UNG: variants seen among roughly 807,000 people sequenced by gnomAD.
UNG encodes uracil-DNA glycosylase.
A neutral mutation model predicts 36.5 loss-of-function variants in UNG; 34 were observed. The ratio of observed to expected loss-of-function variants is 0.93; its 90% CI spans 0.71 to 1.24. The LOEUF is 1.24. Ranked by LOEUF, UNG falls within the 50% of genes most tolerant of loss-of-function variation. The pLI is 0.00. For missense variants in UNG, 391 were observed against 397.6 expected (o/e 0.98, Z 0.14); for synonymous variants, 172 against 157.8 (o/e 1.09, Z -0.67).
Position 109,103,467 on chromosome 12 carries a change from T to C in UNG, c.657T>C (p.Arg219=). 1 of 1,614,180 alleles carries C rather than the reference T, an allele frequency of 6.2e-7. No individual in the cohort carries two copies. Among genetic ancestry groups the C allele is most frequent in the Non-Finnish European group, 8.5e-7 (1 of 1,180,022 alleles). ...VLLLNAVLTV[R]AHQANSHKER... ...TTCTCAACGCTGTCCTCACGGTTCG[T>C]GCCCATCAAGCCAACTCTCATAAGG... Residue 219 remains arginine, a synonymous_variant, in exon 6 of 7, where the codon CGT becomes CGC. Coordinates refer to ENST00000242576, the MANE Select transcript of UNG (RefSeq NM_080911.3).
chr12:109,109,437 C>T (rs2042242537), intron 6 of UNG, among the ~76,000 whole-genome samples: 1 of 150,636 alleles, frequency 6.6e-6, no homozygotes. Context: ...AAAGGGGAAT[C>T]GCACAGGGTC....
chr12:109,107,250 G>T (rs2042224610), intron 6 of UNG, among the ~76,000 whole-genome samples: 2 of 152,074 alleles, frequency 1.3e-5, no homozygotes, highest in Non-Finnish European at 2.9e-5. Context: ...ACCCAGGCTG[G>T]AATGCACTGG....
intron 6 of UNG, among the ~76,000 whole-genome samples, chr12:109,108,787 C>T (rs1483601275): frequency 6.6e-6 from 1 of 152,162 alleles, no homozygotes; most frequent in Admixed American, 6.5e-5. Context: ...CATGCCATCA[C>T]ACTTGGCTAA....
chr12:109,104,062 G>GTTTTTTT (rs1555265048), intron 6 of UNG, among the ~76,000 whole-genome samples: 1 of 150,726 alleles, frequency 6.6e-6, no homozygotes, highest in Admixed American at 6.6e-5. Context: ...TGGGTTTTTT[G>GTTTTTTT]TTTTTTGATG....
At position 109,109,763 on chromosome 12, in the gene UNG, CAA is replaced by C. The variant is rs71079524; in HGVS notation, c.802-49_802-48del. ...ACGCCACTGCAGCAAGACTCTGTCT[CAA>C]AAAAAAAAAAAAAAAATTTAAAAAG... On this transcript the variant is annotated intron_variant, in intron 6 of 6. Coordinates refer to ENST00000242576, the MANE Select transcript of UNG (RefSeq NM_080911.3). The C allele has an allele frequency of 5.8e-3, 7,322 of 1,266,728 alleles. 3 individuals are homozygous for C. The highest frequency in any genetic ancestry group is 0.011 in the Middle Eastern group (50 of 4,744). The allele number at this position is 1,266,728 out of a possible 1,614,324, so 78.5% of individuals were successfully genotyped here.
At chr12:109,098,377 G>T (rs1184541721) in intron 1 of UNG, 55 bp from the exon 2 acceptor site, 2 of 1,601,596 alleles carry the variant, frequency 1.2e-6, no homozygotes, top group Non-Finnish European at 8.5e-7. Flanking sequence ...AGCTGCGGAC[G>T]CCTGGGAAGG....
At position 109,103,473 on chromosome 12, in the gene UNG, T is replaced by C; in HGVS notation, c.663T>C (p.His221=). 6.2e-7 allele frequency: 1 copy of C among 1,614,190 alleles called. No individual in the cohort carries two copies. Among genetic ancestry groups the C allele is most frequent in the Non-Finnish European group, 8.5e-7 (1 of 1,180,028 alleles). ...LLNAVLTVRA[H]QANSHKERGW... ...ACGCTGTCCTCACGGTTCGTGCCCA[T>C]CAAGCCAACTCTCATAAGGAGCGAG... Residue 221 remains histidine (H), a synonymous_variant, in exon 6 of 7, where the codon CAT becomes CAC. Transcript: ENST00000242576.
intron 1 of UNG, chr12:109,098,191 C>T (rs1445062183): frequency 7.0e-7 from 1 of 1,424,902 alleles, no homozygotes; most frequent in Non-Finnish European, 9.1e-7. Flanking sequence ...TCCCAGTCAC[C>T]GCGACGCTCC....
intron 1 of UNG, 118 bp downstream of exon 1, chr12:109,097,929 C>CAAATAGCCTCCACGTGTTCA: frequency 7.4e-7 from 1 of 1,343,758 alleles, no homozygotes; most frequent in Non-Finnish European, 9.8e-7. Flanking sequence ...CTCCGCTTTC[C>CAAATAGCCTCCACGTGTTCA]AAATAGCCTC....
chr12:109,098,058 G>A, intron 1 of UNG: 1 of 1,378,268 alleles, frequency 7.3e-7, no homozygotes, highest in Non-Finnish European at 9.4e-7. Context: ...CTCCTGGCTC[G>A]GTGCGCTGTC....
intron 5 of UNG, 127 bp downstream of exon 5, chr12:109,103,054 C>T (rs909688078): frequency 7.9e-5 from 58 of 733,678 alleles, no homozygotes; most frequent in Middle Eastern, 3.8e-4. Flanking sequence ...CAGGTTCAGG[C>T]GATTCTCATG....
chr12:109,098,197 G>C (rs1207093904), intron 1 of UNG: 2 of 1,429,358 alleles, frequency 1.4e-6, no homozygotes. Flanking sequence ...TCACCGCGAC[G>C]CTCCTCGGGA....
At chr12:109,098,223 C>G in intron 1 of UNG, 1 of 1,473,598 alleles carries the variant, frequency 6.8e-7, no homozygotes, top group Non-Finnish European at 8.9e-7. Context: ...TAGGGCGCCT[C>G]CCAGCCCGTC....
Position 109,102,827 on chromosome 12 carries a change from G to T in UNG, c.534-12G>T. ...GATTCTGTTTTTTGTTTTTCTTGTG[G>T]CTTGCTTTCAGTTTGGAGAACATTT... On this transcript the variant is annotated splice_polypyrimidine_tract_variant and intron_variant, in intron 4 of 6. Coordinates refer to ENST00000242576, the MANE Select transcript of UNG (RefSeq NM_080911.3). The T allele has an allele frequency of 6.2e-7, 1 of 1,606,524 alleles. No individual in the cohort carries two copies. Among genetic ancestry groups the T allele is most frequent in the Non-Finnish European group, 8.5e-7 (1 of 1,173,328 alleles).
At chr12:109,099,317 G>A in intron 3 of UNG, 33 bp downstream of exon 3, 1 of 1,563,080 alleles carries the variant, frequency 6.4e-7, no homozygotes, top group Non-Finnish European at 8.8e-7. Context: ...TTTTATTGGG[G>A]AGAAGGAGTC....
intron 4 of UNG, among the ~76,000 whole-genome samples, chr12:109,102,279 C>T (rs2042184077): frequency 6.6e-6 from 1 of 152,050 alleles, no homozygotes; most frequent in Non-Finnish European, 1.5e-5. Flanking sequence ...CAGACATTGC[C>T]AAAAGTCCCT....
At chr12:109,103,791 A>G (rs1220724039) in intron 6 of UNG, among the ~76,000 whole-genome samples, 180 bp downstream of exon 6, 1 of 152,088 alleles carries the variant, frequency 6.6e-6, no homozygotes, top group East Asian at 1.9e-4. Flanking sequence ...ATTTGGACAA[A>G]TTATAGGGGT....
chr12:109,102,753 C>A, intron 4 of UNG, 86 bp from the exon 5 acceptor site: 1 of 1,140,904 alleles, frequency 8.8e-7, no homozygotes, highest in Non-Finnish European at 1.3e-6. Context: ...AACTTCTAAC[C>A]TTTTCACATA....
Position 109,105,843 on chromosome 12 carries a change from A to G in UNG, c.801+2232A>G, listed in dbSNP as rs1313369391. Among the ~76,000 whole-genome samples the G allele has an allele frequency of 2.0e-5, 3 of 152,080 alleles. No homozygotes were observed. The East Asian group carries it at 5.8e-4, about 29-fold the overall frequency. The stretch of plus-strand genomic sequence containing the variant: ...CAGGCCCTCACCTGATCTTGCCTGG[A>G]GGGTTCTGATGCTTTCTCCCTGGAA... On this transcript the variant is annotated intron_variant, in intron 6 of 6. Transcript: ENST00000242576.
Sources: gnomAD v4.1 joint callset for allele counts (sites outside exome capture counted in the v4.1 genomes callset) on GRCh38, gnomAD v4.1.1 for gene constraint, MANE v1.5 for transcripts, NCBI Gene and HGNC (gene_info 2026-07-23, HGNC 2026-07-21) for gene names.